The following LRIT3 variants were observed in gnomAD, a reference collection of about 807,000 sequenced individuals.
The protein encoded by LRIT3 is leucine rich repeat, Ig-like and transmembrane domains 3.
A neutral mutation model predicts 22.6 loss-of-function variants in LRIT3; 14 were observed. The ratio of observed to expected loss-of-function variants is 0.62; its 90% CI spans 0.41 to 0.97. The LOEUF is 0.97. Among genes scored for constraint, LRIT3 ranks in the 50% least tolerant of loss-of-function variants. The pLI is 0.00. For missense variants in LRIT3, 783 were observed against 803.0 expected (o/e 0.98, Z 0.30); for synonymous variants, 306 against 304.5 (o/e 1.01, Z -0.05).
chr4:109,848,383 C>G (rs1045120634), intron 1 of LRIT3, 66 bp downstream of exon 1: 5 of 890,098 alleles, frequency 5.6e-6, no homozygotes, highest in South Asian at 5.8e-5. Flanking sequence ...AACAAGAAAG[C>G]CTACTTTTGA....
intron 2 of LRIT3, among the ~76,000 whole-genome samples, chr4:109,863,531 T>TTTATTCTG (rs1379096458): frequency 6.6e-6 from 1 of 152,204 alleles, no homozygotes; most frequent in East Asian, 1.9e-4. Flanking sequence ...TTGATTACCT[T>TTTATTCTG]TTATTCTGCA....
intron 1 of LRIT3, among the ~76,000 whole-genome samples, chr4:109,850,532 A>G (rs1734227749): frequency 6.7e-6 from 1 of 149,054 alleles, no homozygotes; most frequent in Non-Finnish European, 1.5e-5. Context: ...GCTGGAGTGC[A>G]GTGGCGTGAT....
At chr4:109,856,988 C>T (rs933402559) in intron 2 of LRIT3, among the ~76,000 whole-genome samples, 5 of 151,974 alleles carry the variant, frequency 3.3e-5, no homozygotes, top group African/African-American at 1.2e-4. Flanking sequence ...TTAATAACAT[C>T]GATAGAAGAG....
At chr4:109,861,668 C>T (rs189939946) in intron 2 of LRIT3, among the ~76,000 whole-genome samples, 181 of 152,186 alleles carry the variant, frequency 1.2e-3, no homozygotes, top group Admixed American at 3.0e-3. Context: ...GGCTATTTGT[C>T]TTTTCTTTAT....
In LRIT3 at chr4:109,870,038, T is replaced by A; in HGVS notation, c.1289T>A (p.Ile430Asn). 1 of 1,614,174 alleles carries A rather than the reference T, an allele frequency of 6.2e-7. No individual in the cohort carries two copies. The highest frequency in any genetic ancestry group is 1.7e-5 in the Admixed American group (1 of 60,022). The change falls in exon 4 of 4, where the codon ATC becomes AAC. Residue 430 changes from isoleucine to asparagine, a missense_variant. By Grantham distance (149) the Ile-to-Asn change is moderately radical (BLOSUM62 -3). This residue lies in a region of LRIT3 where 756 missense variants were observed against 753.8 expected (regional missense o/e 1.00). Coordinates refer to ENST00000594814, the MANE Select transcript of LRIT3 (RefSeq NM_198506.5). ...TCAACCACAACTCTGAGCACAAGCA[T>A]CTCAGCAAGTACCACCATGGCCAAC... ...VSSTTTLSTS[I>N]SASTTMANKR...
intron 1 of LRIT3, 126 bp from the exon 2 acceptor site, chr4:109,851,378 G>C (rs1734250964): frequency 7.6e-7 from 1 of 1,321,882 alleles, no homozygotes; most frequent in Non-Finnish European, 1.0e-6. Context: ...GCCTCCCAAA[G>C]TGCTGGGATT....
chr4:109,856,676 T>G (rs887946116), intron 2 of LRIT3, among the ~76,000 whole-genome samples: 3 of 152,188 alleles, frequency 2.0e-5, no homozygotes, highest in Non-Finnish European at 4.4e-5. Context: ...TCAGAAATAT[T>G]CCAATCACAT....
chr4:109,856,901 C>G (rs1468382753), intron 2 of LRIT3, among the ~76,000 whole-genome samples: 1 of 152,076 alleles, frequency 6.6e-6, no homozygotes, highest in Non-Finnish European at 1.5e-5. Flanking sequence ...ACCGTAACAG[C>G]AATCAAGCCC....
rs1159748933 is a variant in LRIT3 at position 109,867,687 on chromosome 4, G to A, written c.636G>A (p.Met212Ile). Residue 212 changes from methionine (M) to isoleucine (I), a missense_variant, in exon 3 of 4, where the codon ATG becomes ATA. Met to Ile is a conservative substitution (Grantham distance 10). Around this residue, in one of 2 missense-constraint regions of LRIT3, gnomAD observed 756 missense variants for 753.8 expected, o/e 1.00. Transcript: ENST00000594814. ...PWFCDCHISK[M>I]IELSKVVDPA... Reference sequence around the variant, plus strand: ...TCTGTGACTGTCATATTTCCAAAATGATTGAGTTGTCAAAGGTCGTTGACC... The same window carrying A: ...TCTGTGACTGTCATATTTCCAAAATAATTGAGTTGTCAAAGGTCGTTGACC... 6.2e-7 allele frequency: 1 copy of A among 1,614,102 alleles called. No homozygotes were observed. Among genetic ancestry groups the A allele is most frequent in the East Asian group, 2.2e-5 (1 of 44,882 alleles).
chr4:109,861,015 G>A (rs1301432229), intron 2 of LRIT3, among the ~76,000 whole-genome samples: 3 of 152,168 alleles, frequency 2.0e-5, no homozygotes, highest in Non-Finnish European at 4.4e-5. Context: ...GCTTTTTGTG[G>A]CACATGTTTT....
rs939705419 is a variant in LRIT3, at chr4:109,848,216, ATGTCTGTGCAT to A, written c.20_30del (p.Leu7ProfsTer2). The A allele has an allele frequency of 8.1e-7, 1 of 1,231,752 alleles. No homozygotes were observed. Among genetic ancestry groups the A allele is most frequent in the African/African-American group, 1.6e-5 (1 of 64,404 alleles). The allele number at this position is 1,231,752 out of a possible 1,614,324, so 76.3% of individuals were successfully genotyped here. A position where few individuals can be genotyped will look rare whatever the true frequency, so the allele number is the denominator to read the frequency against. On this transcript the variant is annotated frameshift_variant, in exon 1 of 4. Coordinates refer to ENST00000594814, the MANE Select transcript of LRIT3 (RefSeq NM_198506.5). LOFTEE classifies it high-confidence loss of function. Reference sequence around the variant, plus strand: ...TAAAAGGAGCAATGCATCTCTTTGCATGTCTGTGCATTGTCCTTAGCTTTTTGGAAGGAGTG... The same window carrying A: ...TAAAAGGAGCAATGCATCTCTTTGCATGTCCTTAGCTTTTTGGAAGGAGTG...
chr4:109,854,263 T>G (rs189110211), intron 2 of LRIT3, among the ~76,000 whole-genome samples: 11 of 152,236 alleles, frequency 7.2e-5, no homozygotes, highest in Admixed American at 3.9e-4. Context: ...TTTATTTCCT[T>G]GAGCAGTGGT....
chr4:109,866,935 A>G (rs1230986943), intron 2 of LRIT3, among the ~76,000 whole-genome samples: 1 of 152,204 alleles, frequency 6.6e-6, no homozygotes, highest in Non-Finnish European at 1.5e-5. Flanking sequence ...CATGGTCACC[A>G]TATATGACAT....
intron 2 of LRIT3, among the ~76,000 whole-genome samples, chr4:109,857,699 T>C (rs895042677): frequency 1.2e-4 from 18 of 152,208 alleles, no homozygotes; most frequent in African/African-American, 3.9e-4. Context: ...TGACAATCTC[T>C]GTGGCCTTGA....
intron 3 of LRIT3, among the ~76,000 whole-genome samples, chr4:109,868,656 A>G (rs951200355): frequency 1.3e-5 from 2 of 152,112 alleles, no homozygotes; most frequent in African/African-American, 4.8e-5. Flanking sequence ...TTATGAATCA[A>G]AAAGTATAAT....
chr4:109,864,998 T>C, intron 2 of LRIT3: 1 of 1,190,686 alleles, frequency 8.4e-7, no homozygotes, highest in East Asian at 2.8e-5. Context: ...ATAAAAATGT[T>C]ACAAATTAGG....
intron 2 of LRIT3, among the ~76,000 whole-genome samples, chr4:109,862,363 C>G (rs1734566441): frequency 6.6e-6 from 1 of 152,110 alleles, no homozygotes; most frequent in South Asian, 2.1e-4. Context: ...AACAGTTTAA[C>G]TTGAGAGAGT....
intron 1 of LRIT3, among the ~76,000 whole-genome samples, chr4:109,850,422 C>CCTTCTTTCTTT (rs66553123): frequency 0.032 from 1,784 of 55,066 alleles, 390 homozygotes; most frequent in Middle Eastern, 0.059. Context: ...TTCCTTCCTT[C>CCTTCTTTCTTT]CTTTCTTTCT....
At chr4:109,866,408 C>A (rs1474048328) in intron 2 of LRIT3, among the ~76,000 whole-genome samples, 2 of 152,130 alleles carry the variant, frequency 1.3e-5, no homozygotes, top group African/African-American at 4.8e-5. Context: ...GATTTTAGCA[C>A]AAAATTTTAC....
Sources: allele counts gnomAD v4.1 joint callset (sites outside exome capture counted in the v4.1 genomes callset), GRCh38; gene constraint gnomAD v4.1.1; regional missense constraint gnomAD v4.1.1; transcripts MANE v1.5; gene names NCBI Gene and HGNC (gene_info 2026-07-23, HGNC 2026-07-21).